The following CLDN19 variants were observed in gnomAD, a reference collection of about 807,000 sequenced individuals.
The protein encoded by CLDN19 is claudin 19, also known as claudin-19.
A neutral mutation model predicts 24.5 loss-of-function variants in CLDN19; 19 were observed. The ratio of observed to expected loss-of-function variants is 0.78; its 90% CI spans 0.54 to 1.14. The LOEUF (loss-of-function observed/expected upper bound fraction) is 1.14. CLDN19 is among the 50% of genes most tolerant of loss of function. The probability of loss-of-function intolerance (pLI) is 0.00; values close to 1 mark genes in which losing one functional copy is unlikely to be tolerated. For missense variants in CLDN19, 250 were observed against 295.9 expected (o/e 0.84, Z 1.14); for synonymous variants, 117 against 129.6 (o/e 0.90, Z 0.66).
Position 42,736,003 on chromosome 1 carries a change from C to T in CLDN19, c.501G>A (p.Val167=), listed in dbSNP as rs1316432824. ...CGGCCAGGCCAGCTGAGGCCCAGCC[C>T]ACGAACAGGGCTGGGCCAAATTCAT... is the stretch of plus-strand genomic sequence containing the variant. The part of the protein sequence containing the change: ...ARYEFGPALF[V]GWASAGLAVL... Residue 167 remains valine (V), a synonymous_variant, in exon 4 of 5, where the codon GTG becomes GTA. Coordinates refer to ENST00000296387, the MANE Select transcript of CLDN19 (RefSeq NM_148960.3). The T allele has an allele frequency of 1.3e-6, 2 of 1,576,404 alleles. No individual in the cohort carries two copies. The highest frequency in any genetic ancestry group is 1.7e-6 in the Non-Finnish European group (2 of 1,162,504).
Position 42,735,013 on chromosome 1 carries a change from T to G in CLDN19, c.*73A>C. ...ACCATGATTGGGGCTGGATGTTCAC[T>G]TCTCTTTCCAAAAAAATATGAAACA... On this transcript the variant is annotated 3_prime_UTR_variant, in exon 5 of 5. Coordinates refer to ENST00000296387, the MANE Select transcript of CLDN19 (RefSeq NM_148960.3). The G allele has an allele frequency of 6.3e-6, 8 of 1,267,906 alleles. No individual in the cohort carries two copies. The South Asian group carries it at 9.8e-5, about 16-fold the overall frequency. 78.5% of individuals were successfully genotyped at this position (1,267,906 alleles called of 1,614,324 possible).
Position 42,734,865 on chromosome 1 carries a change from T to G in CLDN19, c.*221A>C, listed in dbSNP as rs1651302185. On this transcript the variant is annotated 3_prime_UTR_variant, in exon 5 of 5. Coordinates refer to ENST00000296387, the MANE Select transcript of CLDN19 (RefSeq NM_148960.3). The stretch of plus-strand genomic sequence containing the variant: ...GAATTATTTCTTGCTTAGCCCTGGA[T>G]GTGCTATGTAACCCACCCTGGACCT... 1 of 591,668 alleles carries G rather than the reference T, an allele frequency of 1.7e-6. No individual in the cohort carries two copies. Among genetic ancestry groups the G allele is most frequent in the South Asian group, 2.1e-5 (1 of 46,640 alleles). 36.7% of individuals were successfully genotyped at this position (591,668 alleles called of 1,614,324 possible).
chr1:42,734,888 CCT>C lies in CLDN19; in HGVS notation c.*196_*197del. On this transcript the variant is annotated 3_prime_UTR_variant, in exon 5 of 5. Transcript: ENST00000296387. ...GATGTGCTATGTAACCCACCCTGGA[CCT>C]CTGTCTCCTCATCTTTCTGCCCAAG... The C allele has an allele frequency of 8.1e-6, 5 of 616,696 alleles. No homozygotes were observed. Among genetic ancestry groups the C allele is most frequent in the Non-Finnish European group, 1.5e-5 (5 of 337,568 alleles). 38.2% of individuals were successfully genotyped at this position (616,696 alleles called of 1,614,324 possible).
chr1:42,735,768 C>A, intron 4 of CLDN19, 110 bp downstream of exon 4: 1 of 1,528,514 alleles, frequency 6.5e-7, no homozygotes, highest in Non-Finnish European at 8.8e-7. Context: ...GCACCTATGC[C>A]CATCCTATGC....
chr1:42,738,086 C>G (rs1019860516), intron 3 of CLDN19, 143 bp downstream of exon 3: 1 of 781,906 alleles, frequency 1.3e-6, no homozygotes, highest in East Asian at 2.7e-5. Flanking sequence ...GAGGGCCCCA[C>G]CACACTCCTC....
chr1:42,738,081 C>T (rs143849429), intron 3 of CLDN19, 148 bp downstream of exon 3: 1 of 753,838 alleles, frequency 1.3e-6, no homozygotes, highest in East Asian at 2.7e-5. Context: ...CTATGGAGGG[C>T]CCCACCACAC....
In CLDN19 at chr1:42,740,078, G is replaced by A. The variant is rs989751115; in HGVS notation, c.-15C>T. ...GAGTTGGCCATGGCCCAGGAGAGAGGACCGAGGGTCCCAGGACTCAGAGCT... is the reference window on the plus strand; with the variant it reads ...GAGTTGGCCATGGCCCAGGAGAGAGAACCGAGGGTCCCAGGACTCAGAGCT... On this transcript the variant is annotated 5_prime_UTR_variant, in exon 1 of 5. Transcript: ENST00000296387. 5.8e-6 allele frequency: 9 copies of A among 1,545,596 alleles called. No homozygotes were observed. The highest frequency in any genetic ancestry group is 7.0e-6 in the Non-Finnish European group (8 of 1,143,442).
In CLDN19 at chr1:42,740,167, G is replaced by A; in HGVS notation, c.-104C>T. 1 of 833,512 alleles carries A rather than the reference G, an allele frequency of 1.2e-6. No individual in the cohort carries two copies. The highest frequency in any genetic ancestry group is 1.4e-5 in the South Asian group (1 of 69,398). 51.6% of individuals were successfully genotyped at this position (833,512 alleles called of 1,614,324 possible). A position where few individuals can be genotyped will look rare whatever the true frequency, so the allele number is the denominator to read the frequency against. ...TGGGAGGAGCAGCTGGGCAGGGGGA[G>A]CAGCGAGAAGGAGGGTCAGAGGCAG... On this transcript the variant is annotated 5_prime_UTR_variant, in exon 1 of 5. Transcript: ENST00000296387.
chr1:42,735,407 A>C, intron 4 of CLDN19: 2 of 1,423,724 alleles, frequency 1.4e-6, no homozygotes, highest in Non-Finnish European at 1.8e-6. Context: ...GCATCCCGGC[A>C]CTGCCCTTGT....
rs1375607481 is a variant in CLDN19 at position 42,740,232 on chromosome 1, G to A, written c.-169C>T. 1.2e-5 allele frequency: 8 copies of A among 673,156 alleles called. No homozygotes were observed. The highest frequency in any genetic ancestry group is 1.1e-4 in the South Asian group (7 of 61,532). The allele number at this position is 673,156 out of a possible 1,614,324, so 41.7% of individuals were successfully genotyped here. On this transcript the variant is annotated 5_prime_UTR_variant, in exon 1 of 5. Coordinates refer to ENST00000296387, the MANE Select transcript of CLDN19 (RefSeq NM_148960.3). ...TGCGGCGGCAGCGGCTGGAGCAAAG[G>A]CAGTGGCTCTGGACTCCAGAATGCA...
chr1:42,735,530 CGTA>C, intron 4 of CLDN19: 1 of 1,417,150 alleles, frequency 7.1e-7, no homozygotes, highest in Non-Finnish European at 9.2e-7. Flanking sequence ...GGGCCCAGCA[CGTA>C]GCAGACACCC....
rs1001193331 is a variant in CLDN19 at position 42,736,251 on chromosome 1, G to A, written c.474-221C>T. 1.1e-4 allele frequency among the ~76,000 whole-genome samples: 16 copies of A among 151,590 alleles called. No homozygotes were observed. The East Asian group carries it at 1.8e-3, about 17-fold the overall frequency. On this transcript the variant is annotated intron_variant, in intron 3 of 4. Coordinates refer to ENST00000296387, the MANE Select transcript of CLDN19 (RefSeq NM_148960.3). The stretch of plus-strand genomic sequence containing the variant: ...CAGGGTGACCCGGCCTGGGGTAGGC[G>A]TGAAGGCTAGAGGCTGGGCCTCCAG...
intron 1 of CLDN19, among the ~76,000 whole-genome samples, chr1:42,739,552 C>T (rs1287938995): frequency 6.6e-6 from 1 of 152,180 alleles, no homozygotes; most frequent in Non-Finnish European, 1.5e-5. Context: ...TTAGTATTCC[C>T]CTTTAGAGAT....
intron 1 of CLDN19, among the ~76,000 whole-genome samples, chr1:42,738,829 G>A (rs772020751): frequency 2.0e-5 from 3 of 152,132 alleles, no homozygotes; most frequent in African/African-American, 4.8e-5. Context: ...AGGCTTTTCC[G>A]GTAGTATGAT....
At position 42,733,269 on chromosome 1, in the gene CLDN19, T is replaced by C. The variant is rs1473848049; in HGVS notation, c.*1817A>G. ...TTTGTATTTTTAATAGACACGGGGT[T>C]TTACCATATTGGCCAGGCTAGTCTC... is the stretch of plus-strand genomic sequence containing the variant. On this transcript the variant is annotated 3_prime_UTR_variant, in exon 5 of 5. Coordinates refer to ENST00000296387, the MANE Select transcript of CLDN19 (RefSeq NM_148960.3). 6.6e-6 allele frequency: 1 copy of C among 151,968 alleles called. No individual in the cohort carries two copies. The highest frequency in any genetic ancestry group is 2.4e-5 in the African/African-American group (1 of 41,348). 9.4% of individuals were successfully genotyped at this position (151,968 alleles called of 1,614,324 possible).
At position 42,733,543 on chromosome 1, in the gene CLDN19, G is replaced by A. The variant is rs1452102004; in HGVS notation, c.*1543C>T. On this transcript the variant is annotated 3_prime_UTR_variant, in exon 5 of 5. Transcript: ENST00000296387. ...CCAGACCAATGAAATAAGAGTGTCT[G>A]GGGTTGGAGCCTAGGCATTGTGCCC... The A allele has an allele frequency of 2.0e-5, 3 of 152,256 alleles. No individual in the cohort carries two copies. The highest frequency in any genetic ancestry group is 4.4e-5 in the Non-Finnish European group (3 of 68,086). 9.4% of individuals were successfully genotyped at this position (152,256 alleles called of 1,614,324 possible). A position where few individuals can be genotyped will look rare whatever the true frequency, so the allele number is the denominator to read the frequency against.
rs370233621 is a variant in CLDN19 at position 42,739,690 on chromosome 1, C to G, written c.223+151G>C. The G allele has an allele frequency of 1.4e-5, 10 of 726,732 alleles. No individual in the cohort carries two copies. In the East Asian group the frequency reaches 2.4e-4, roughly 18 times the overall value. 45.0% of individuals were successfully genotyped at this position (726,732 alleles called of 1,614,324 possible). A position where few individuals can be genotyped will look rare whatever the true frequency, so the allele number is the denominator to read the frequency against. On this transcript the variant is annotated intron_variant, in intron 1 of 4. Coordinates refer to ENST00000296387, the MANE Select transcript of CLDN19 (RefSeq NM_148960.3). ...CACAGGGCAGCAGGCTGGCCTGGAC[C>G]GTCAATGGGCACAGGGCAGTAGTGG...
In CLDN19 at chr1:42,735,066, G is replaced by T. The variant is rs546757402; in HGVS notation, c.*20C>A. On this transcript the variant is annotated 3_prime_UTR_variant, in exon 5 of 5. Coordinates refer to ENST00000296387, the MANE Select transcript of CLDN19 (RefSeq NM_148960.3). ...CAGTCTAGGTATGGCAGGGGACAGA[G>T]CCTGGCTGGGGACTGGACATTACAC... 1.9e-6 allele frequency: 3 copies of T among 1,570,674 alleles called. No homozygotes were observed. The highest frequency in any genetic ancestry group is 3.3e-5 in the Admixed American group (2 of 59,848).
At chr1:42,735,735 G>A in intron 4 of CLDN19, 143 bp downstream of exon 4, 1 of 1,478,300 alleles carries the variant, frequency 6.8e-7, no homozygotes, top group East Asian at 2.5e-5. Flanking sequence ...GTGGGTGCTT[G>A]TGTTGAGGAC....
Sources: gnomAD v4.1 joint callset for allele counts (sites outside exome capture counted in the v4.1 genomes callset) on GRCh38, gnomAD v4.1.1 for gene constraint, MANE v1.5 for transcripts, NCBI Gene and HGNC (gene_info 2026-07-23, HGNC 2026-07-21) for gene names.